Variants in TCF25 observed in about 807,000 individuals in gnomAD.
TCF25 encodes ribosome quality control complex subunit TCF25.
Under a neutral mutation model 83.1 loss-of-function variants are expected in TCF25, and 41 were observed. That is an observed-to-expected ratio of 0.49 (90% CI 0.38 to 0.64). The LOEUF is 0.64. Among genes scored for constraint, TCF25 ranks in the 30% least tolerant of loss-of-function variants. The probability of loss-of-function intolerance (pLI) is 0.00; values close to 1 mark genes in which losing one functional copy is unlikely to be tolerated. For synonymous variants in TCF25, 458 were observed against 365.0 expected (o/e 1.25, Z -2.90); for missense variants, 979 against 914.5 (o/e 1.07, Z -0.91).
chr16:89,906,529 T>A, intron 15 of TCF25, among the ~76,000 whole-genome samples: 1 of 152,192 alleles, frequency 6.6e-6, no homozygotes, highest in East Asian at 1.9e-4. Context: ...GTCACCGTGG[T>A]GAGCTGCTCC....
At chr16:89,899,789 G>T (rs2044174844) in intron 11 of TCF25, among the ~76,000 whole-genome samples, 1 of 152,160 alleles carries the variant, frequency 6.6e-6, no homozygotes. Context: ...CTATGGGGCA[G>T]CACTTATCTG....
intron 16 of TCF25, chr16:89,910,235 G>A (rs1011631909): frequency 2.0e-5 from 6 of 303,448 alleles, no homozygotes; most frequent in African/African-American, 6.5e-5. Context: ...CTGCCTTTGC[G>A]TAAGGAGTGG....
intron 1 of TCF25, among the ~76,000 whole-genome samples, chr16:89,880,156 G>A (rs751671884): frequency 1.2e-4 from 15 of 130,262 alleles, no homozygotes; most frequent in South Asian, 5.5e-4. Context: ...AGCCCATCAC[G>A]CGTGCTGTCC....
chr16:89,887,404 C>G (rs1224463729), intron 4 of TCF25, among the ~76,000 whole-genome samples: 1 of 152,218 alleles, frequency 6.6e-6, no homozygotes, highest in Non-Finnish European at 1.5e-5. Context: ...GTGTGCCACA[C>G]ACAGTGCCTC....
chr16:89,911,049 C>CAGGG (rs1475907926), intron 17 of TCF25, 31 bp from the exon 18 acceptor site: 1 of 1,608,046 alleles, frequency 6.2e-7, no homozygotes, highest in African/African-American at 1.3e-5. Flanking sequence ...GCACAGACAG[C>CAGGG]CCCCTTCTCA....
intron 1 of TCF25, among the ~76,000 whole-genome samples, chr16:89,877,229 A>T (rs767336637): frequency 6.6e-6 from 1 of 152,088 alleles, no homozygotes; most frequent in Non-Finnish European, 1.5e-5. Context: ...TTGGAGACAG[A>T]GTCTCGCTCT....
intron 14 of TCF25, 107 bp from the exon 15 acceptor site, chr16:89,906,087 C>A (rs535259374): frequency 3.2e-6 from 3 of 935,364 alleles, no homozygotes; most frequent in African/African-American, 1.6e-5. Context: ...ACCAGAGATG[C>A]AGCGAGATGC....
At chr16:89,899,984 C>T (rs1172140401) in intron 11 of TCF25, among the ~76,000 whole-genome samples, 1 of 152,122 alleles carries the variant, frequency 6.6e-6, no homozygotes, top group Admixed American at 6.5e-5. Flanking sequence ...AAGTCTCACC[C>T]CCAGGAATGT....
intron 12 of TCF25, chr16:89,901,112 A>T: frequency 4.1e-6 from 1 of 246,068 alleles, no homozygotes; most frequent in Admixed American, 4.8e-5. Context: ...AGGAGAGCAA[A>T]GCAGGGGAAG....
intron 7 of TCF25, 28 bp downstream of exon 7, chr16:89,893,886 G>A (rs1422338872): frequency 6.3e-7 from 1 of 1,582,202 alleles, no homozygotes; most frequent in South Asian, 1.1e-5. Flanking sequence ...CCCCTGACAG[G>A]AGCAGGGGCC....
intron 2 of TCF25, among the ~76,000 whole-genome samples, chr16:89,884,349 C>G (rs2042825832): frequency 6.6e-6 from 1 of 152,114 alleles, no homozygotes; most frequent in Non-Finnish European, 1.5e-5. Flanking sequence ...GTCCTGTGAG[C>G]CTGTGAGGCT....
intron 16 of TCF25, chr16:89,910,367 C>G (rs1435930344): frequency 1.9e-5 from 11 of 591,422 alleles, no homozygotes; most frequent in Non-Finnish European, 3.0e-5. Flanking sequence ...GTTGGTCTCC[C>G]TCATCCTGTT....
chr16:89,901,004 G>T (rs1453238183), intron 12 of TCF25: 2 of 513,318 alleles, frequency 3.9e-6, no homozygotes, highest in Middle Eastern at 5.5e-4. Flanking sequence ...GGCACGAGGA[G>T]GTGGCAGGCA....
chr16:89,875,169 A>T (rs1034094389), intron 1 of TCF25, among the ~76,000 whole-genome samples: 1 of 152,192 alleles, frequency 6.6e-6, no homozygotes, highest in African/African-American at 2.4e-5. Context: ...TTGGCCCCGT[A>T]AGTCTTTTTA....
At chr16:89,904,781 C>T in intron 13 of TCF25, 157 bp from the exon 14 acceptor site, 1 of 862,408 alleles carries the variant, frequency 1.2e-6, no homozygotes, top group Non-Finnish European at 1.9e-6. Flanking sequence ...GTGCCCCAGC[C>T]CCACGCCCTC....
chr16:89,901,477 G>GAGGGGTGAGGGTTATTTGTGT (rs1282069512), intron 12 of TCF25, among the ~76,000 whole-genome samples: 1 of 146,324 alleles, frequency 6.8e-6, no homozygotes, highest in East Asian at 2.3e-4. Context: ...CGGGCGCGGT[G>GAGGGGTGAGGGTTATTTGTGT]GCTCACGCCT....
At chr16:89,874,969 G>T (rs922974720) in intron 1 of TCF25, 1 of 152,114 alleles carries the variant, frequency 6.6e-6, no homozygotes, top group African/African-American at 2.4e-5. Context: ...CCCCGTCAAG[G>T]TTCAGTAATT....
At chr16:89,902,844 C>T (rs1406980816) in intron 12 of TCF25, among the ~76,000 whole-genome samples, 1 of 152,110 alleles carries the variant, frequency 6.6e-6, no homozygotes, top group Non-Finnish European at 1.5e-5. Flanking sequence ...GACCACTCAT[C>T]GCCTATTAGG....
chr16:89,894,362 C>A (rs563027577), intron 7 of TCF25, among the ~76,000 whole-genome samples: 1 of 150,520 alleles, frequency 6.6e-6, no homozygotes, highest in Non-Finnish European at 1.5e-5. Context: ...CTTGCAGCCC[C>A]GGACGGCCCC....
Sources: allele counts gnomAD v4.1 joint callset (sites outside exome capture counted in the v4.1 genomes callset), GRCh38; gene constraint gnomAD v4.1.1; transcripts MANE v1.5; gene names NCBI Gene and HGNC (gene_info 2026-07-23, HGNC 2026-07-21).